The following PHF14 variants were observed in gnomAD, a reference collection of about 807,000 sequenced individuals.
The protein encoded by PHF14 is PHD finger protein 14.
Under a neutral mutation model 117.9 loss-of-function variants are expected in PHF14, and 55 were observed. The observed-to-expected ratio is 0.47, with a 90% CI of 0.38 to 0.58. PHF14 has a LOEUF of 0.58. Among genes scored for constraint, PHF14 ranks in the 20% least tolerant of loss-of-function variants. The probability of loss-of-function intolerance (pLI) is 0.00; values close to 1 mark genes in which losing one functional copy is unlikely to be tolerated. For synonymous variants in PHF14, 409 were observed against 368.6 expected, an observed-to-expected ratio of 1.11 and a Z score of -1.26; for missense variants, 978 against 1,122.2, an observed-to-expected ratio of 0.87 and a Z score of 1.84.
chr7:11,161,444 A>T (rs1562490940), intron 17 of PHF14, among the ~76,000 whole-genome samples: 2 of 151,962 alleles, frequency 1.3e-5, no homozygotes, highest in African/African-American at 4.8e-5. Context: ...TTATGTGTGT[A>T]TGACAAACTT....
intron 4 of PHF14, among the ~76,000 whole-genome samples, chr7:10,992,285 C>T (rs560908962): frequency 6.6e-6 from 1 of 150,608 alleles, no homozygotes; most frequent in South Asian, 2.1e-4. Context: ...ATTTCCTGGC[C>T]TCAAGTGATC....
At chr7:11,031,195 A>G (rs776114247) in intron 7 of PHF14, among the ~76,000 whole-genome samples, 5 of 150,412 alleles carry the variant, frequency 3.3e-5, no homozygotes, top group South Asian at 2.1e-4. Context: ...AGGCTGTTAA[A>G]AAAAAAAGGT....
chr7:11,034,117 C>G (rs145912806), intron 7 of PHF14, among the ~76,000 whole-genome samples: 86 of 151,830 alleles, frequency 5.7e-4, no homozygotes, highest in African/African-American at 1.9e-3. Flanking sequence ...TACAGAATTG[C>G]CTCATATGCT....
At chr7:11,051,511 T>C (rs914283773) in intron 13 of PHF14, 101 bp from the exon 14 acceptor site, 2 of 893,718 alleles carry the variant, frequency 2.2e-6, no homozygotes, top group African/African-American at 3.4e-5. Context: ...TATATTTTTA[T>C]ATATTATTCT....
chr7:11,099,133 A>T (rs1229189420), intron 16 of PHF14, among the ~76,000 whole-genome samples: 1 of 152,008 alleles, frequency 6.6e-6, no homozygotes, highest in Non-Finnish European at 1.5e-5. Context: ...ATTCTGATGA[A>T]ATTTAAATTA....
chr7:11,096,973 C>CT (rs899756252), intron 16 of PHF14, among the ~76,000 whole-genome samples: 4,267 of 108,332 alleles, frequency 0.039, 237 homozygotes, highest in African/African-American at 0.11. Context: ...TAGACTAGAA[C>CT]TTTTTTTTTT....
intron 4 of PHF14, among the ~76,000 whole-genome samples, chr7:10,993,088 A>G (rs28489064): frequency 0.024 from 3,659 of 152,198 alleles, 138 homozygotes; most frequent in African/African-American, 0.084. Context: ...TGATATTACT[A>G]TTACTTTTTT....
At chr7:10,985,280 G>C (rs926519045) in intron 3 of PHF14, among the ~76,000 whole-genome samples, 8 of 152,084 alleles carry the variant, frequency 5.3e-5, no homozygotes, top group African/African-American at 1.9e-4. Context: ...CCAATACATA[G>C]TTAAGTATAT....
chr7:11,073,352 A>G (rs1414892831), intron 16 of PHF14, among the ~76,000 whole-genome samples: 1 of 152,214 alleles, frequency 6.6e-6, no homozygotes, highest in East Asian at 1.9e-4. Flanking sequence ...AGAAACAGGC[A>G]GTAGGCCCCC....
At chr7:11,159,705 C>T (rs1190483993) in intron 17 of PHF14, among the ~76,000 whole-genome samples, 2 of 151,946 alleles carry the variant, frequency 1.3e-5, no homozygotes, top group African/African-American at 2.4e-5. Context: ...CAAGGGATCT[C>T]TGTATTATTT....
intron 5 of PHF14, among the ~76,000 whole-genome samples, chr7:11,020,451 C>G (rs1457097202): frequency 6.6e-6 from 1 of 152,070 alleles, no homozygotes; most frequent in Non-Finnish European, 1.5e-5. Context: ...GATCTTGGCT[C>G]ATTGTAAACC....
intron 16 of PHF14, chr7:11,106,690 C>T: frequency 2.0e-6 from 2 of 984,180 alleles, no homozygotes; most frequent in Non-Finnish European, 2.4e-6. Flanking sequence ...GATGTTTGAG[C>T]TGCTAGTGAG....
chr7:10,974,321 C>T lies in PHF14; in HGVS notation c.-3C>T, dbSNP rs190074. The T allele has an allele frequency of 1.3e-6, 2 of 1,591,564 alleles. No individual in the cohort carries two copies. Among genetic ancestry groups the T allele is most frequent in the Non-Finnish European group, 1.7e-6 (2 of 1,168,446 alleles). On this transcript the variant is annotated 5_prime_UTR_variant, in exon 1 of 18. Coordinates refer to ENST00000634607, the MANE Select transcript of PHF14 (RefSeq NM_001007157.2). ...CTCCAAACGACCACCTCACGGATTCCTTAGTAAGTGTATCCGAGGCCTCTG... is the reference window on the plus strand; with the variant it reads ...CTCCAAACGACCACCTCACGGATTCTTTAGTAAGTGTATCCGAGGCCTCTG...
At chr7:11,046,034 A>G (rs754805908) in intron 13 of PHF14, among the ~76,000 whole-genome samples, 1 of 152,222 alleles carries the variant, frequency 6.6e-6, no homozygotes, top group Non-Finnish European at 1.5e-5. Flanking sequence ...AAGCTAGTAA[A>G]GAATATTATT....
chr7:11,030,665 A>G lies in PHF14; in HGVS notation c.1455+1847A>G, dbSNP rs375444319. Among the ~76,000 whole-genome samples, 5 of 152,320 alleles carry G rather than the reference A, an allele frequency of 3.3e-5. No homozygotes were observed. In the South Asian group the frequency reaches 6.2e-4, roughly 19 times the overall value. ...AGGAAATTTACAGGGAAACAGATAC[A>G]TTAGGATGTGAGAATTAGCCCTGAG... On this transcript the variant is annotated intron_variant, in intron 7 of 17. Transcript: ENST00000634607.
At chr7:11,064,402 AT>A (rs1245071791) in intron 16 of PHF14, among the ~76,000 whole-genome samples, 4 of 151,836 alleles carry the variant, frequency 2.6e-5, no homozygotes, top group Non-Finnish European at 4.4e-5. Context: ...TTAAATAAGG[AT>A]TTATTTTCTC....
chr7:11,104,882 T>G, intron 16 of PHF14: 1 of 970,922 alleles, frequency 1.0e-6, no homozygotes. Flanking sequence ...GTATTTTTTT[T>G]AAAACATCGT....
intron 17 of PHF14, among the ~76,000 whole-genome samples, chr7:11,148,260 G>A (rs1374361302): frequency 6.6e-6 from 1 of 152,166 alleles, no homozygotes; most frequent in Non-Finnish European, 1.5e-5. Context: ...AAACCCTCCA[G>A]TGGCTTCTCA....
At chr7:11,116,863 T>C (rs147271772) in intron 17 of PHF14, among the ~76,000 whole-genome samples, 155 of 152,082 alleles carry the variant, frequency 1.0e-3, no homozygotes, top group African/African-American at 3.5e-3. Context: ...TTTAAAACAA[T>C]GTGTATAACC....
Sources: gnomAD v4.1 joint callset for allele counts (sites outside exome capture counted in the v4.1 genomes callset) on GRCh38, gnomAD v4.1.1 for gene constraint, MANE v1.5 for transcripts, NCBI Gene and HGNC (gene_info 2026-07-23, HGNC 2026-07-21) for gene names.